Variants in PLSCR4 observed in about 807,000 individuals in gnomAD.
PLSCR4 encodes the protein Ca(2+)-dependent phospholipid scramblase 4.
Under a neutral mutation model 36.3 loss-of-function variants are expected in PLSCR4, and 25 were observed. The ratio of observed to expected loss-of-function variants is 0.69; its 90% confidence interval spans 0.50 to 0.96. The LOEUF is 0.96. Among genes scored for constraint, PLSCR4 ranks in the 40% least tolerant of loss-of-function variants. The probability of loss-of-function intolerance (pLI) is 0.00; values close to 1 mark genes in which losing one functional copy is unlikely to be tolerated. For missense variants in PLSCR4, 408 were observed against 414.7 expected (o/e 0.98, Z 0.14); for synonymous variants, 122 against 132.9 (o/e 0.92, Z 0.56).
chr3:146,200,414 G>T (rs1047921990), intron 5 of PLSCR4, among the ~76,000 whole-genome samples: 2 of 152,126 alleles, frequency 1.3e-5, no homozygotes, highest in Admixed American at 1.3e-4. Context: ...GCTTGGAGGA[G>T]TAGGGTCATT....
intron 6 of PLSCR4, among the ~76,000 whole-genome samples, chr3:146,198,126 C>T (rs116368402): frequency 0.017 from 2,517 of 151,996 alleles, 38 homozygotes; most frequent in Non-Finnish European, 0.026. Context: ...CTCGAAATGA[C>T]AAGATTATAA....
At chr3:146,237,953 TAAAGAA>T (rs934410201) in intron 1 of PLSCR4, among the ~76,000 whole-genome samples, 1 of 150,966 alleles carries the variant, frequency 6.6e-6, no homozygotes, top group Non-Finnish European at 1.5e-5. Context: ...GATACACTAA[TAAAGAA>T]AAAGAGAAAA....
chr3:146,222,139 A>G, intron 1 of PLSCR4, 47 bp from the exon 2 acceptor site: 1 of 681,128 alleles, frequency 1.5e-6, no homozygotes, highest in Non-Finnish European at 2.3e-6. Context: ...TACATAATAA[A>G]TAGTATTGCT....
At position 146,204,183 on chromosome 3, in the gene PLSCR4, A is replaced by C. The variant is rs35366505; in HGVS notation, c.354+2343T>G. On this transcript the variant is annotated intron_variant, in intron 4 of 8. Transcript: ENST00000354952. Reference sequence around the variant, plus strand: ...AGTCACTGGTAAAGCCAAGACTCTGAAAATAATATAATCGTGCTAATTTGG... The same window carrying C: ...AGTCACTGGTAAAGCCAAGACTCTGCAAATAATATAATCGTGCTAATTTGG... 7.4e-4 allele frequency among the ~76,000 whole-genome samples: 112 copies of C among 152,100 alleles called. No individual in the cohort carries two copies. The East Asian group carries it at 0.018, about 25-fold the overall frequency.
At chr3:146,206,404 C>A in intron 4 of PLSCR4, 122 bp downstream of exon 4, 1 of 675,592 alleles carries the variant, frequency 1.5e-6, no homozygotes. Flanking sequence ...TATAGTTTCA[C>A]AAATGGCATC....
intron 4 of PLSCR4, among the ~76,000 whole-genome samples, chr3:146,204,876 C>T (rs1411436026): frequency 1.3e-5 from 2 of 151,992 alleles, no homozygotes; most frequent in Non-Finnish European, 2.9e-5. Context: ...TACTCTAGCA[C>T]TTCACCTGAA....
At chr3:146,202,436 T>C (rs1476840908) in intron 4 of PLSCR4, among the ~76,000 whole-genome samples, 1 of 152,032 alleles carries the variant, frequency 6.6e-6, no homozygotes, top group African/African-American at 2.4e-5. Flanking sequence ...AAAAGAAGTA[T>C]ATATCTTAAT....
intron 7 of PLSCR4, 176 bp downstream of exon 7, chr3:146,196,456 A>G (rs921142927): frequency 3.4e-6 from 2 of 591,396 alleles, no homozygotes; most frequent in Non-Finnish European, 3.0e-6. Context: ...ATTTTGGAAA[A>G]CCTCAATCTA....
intron 7 of PLSCR4, 134 bp from the exon 8 acceptor site, chr3:146,195,416 T>A (rs547089315): frequency 1.5e-5 from 11 of 743,756 alleles, no homozygotes; most frequent in Admixed American, 1.3e-4. Flanking sequence ...AATGAGAAAA[T>A]AATGGCCAAA....
chr3:146,223,792 AT>A (rs1435958438), intron 1 of PLSCR4: 1 of 149,016 alleles, frequency 6.7e-6, no homozygotes, highest in African/African-American at 2.5e-5. Context: ...AAAAATACAT[AT>A]AAATATATTT....
At position 146,209,649 on chromosome 3, in the gene PLSCR4, C is replaced by T. The variant is rs566276374; in HGVS notation, c.119-2888G>A. 2.6e-5 allele frequency among the ~76,000 whole-genome samples: 4 copies of T among 152,050 alleles called. No individual in the cohort carries two copies. The East Asian group carries it at 7.7e-4, about 29-fold the overall frequency. ...ATTTTTTGAATAACTTTGATCATTACTAATTTATTTTTGTTTCACTTTCCA... is the reference window on the plus strand; with the variant it reads ...ATTTTTTGAATAACTTTGATCATTATTAATTTATTTTTGTTTCACTTTCCA... On this transcript the variant is annotated intron_variant, in intron 3 of 8. Coordinates refer to ENST00000354952, the MANE Select transcript of PLSCR4 (RefSeq NM_020353.3).
At chr3:146,238,226 G>C (rs2107841278) in intron 1 of PLSCR4, among the ~76,000 whole-genome samples, 1 of 150,042 alleles carries the variant, frequency 6.7e-6, no homozygotes, top group Non-Finnish European at 1.5e-5. Flanking sequence ...CCCAGGTACA[G>C]ATGATTTACT....
chr3:146,246,826 G>A (rs2036357563), intron 1 of PLSCR4, among the ~76,000 whole-genome samples: 2 of 152,206 alleles, frequency 1.3e-5, no homozygotes, highest in African/African-American at 2.4e-5. Context: ...CAGATGTTAT[G>A]TGCAAACAAA....
intron 1 of PLSCR4, among the ~76,000 whole-genome samples, chr3:146,231,305 T>G (rs559553217): frequency 6.6e-6 from 1 of 152,186 alleles, no homozygotes; most frequent in Non-Finnish European, 1.5e-5. Flanking sequence ...TTGTTGCTAT[T>G]GTGCTGCAAT....
At position 146,192,414 on chromosome 3, in the gene PLSCR4, T is replaced by C. The variant is rs1025616346; in HGVS notation, c.*1997A>G. 7 of 150,900 alleles carry C rather than the reference T, an allele frequency of 4.6e-5. No homozygotes were observed. Among genetic ancestry groups the C allele is most frequent in the Admixed American group, 2.6e-4 (4 of 15,106 alleles). The allele number at this position is 150,900 out of a possible 1,614,324, so 9.3% of individuals were successfully genotyped here. On this transcript the variant is annotated 3_prime_UTR_variant, in exon 9 of 9. Coordinates refer to ENST00000354952, the MANE Select transcript of PLSCR4 (RefSeq NM_020353.3). The stretch of plus-strand genomic sequence containing the variant: ...CATGAACGCACAAATTCCAGAGAAT[T>C]TGTTTTTTAATCAATCCGATCAATT...
chr3:146,232,048 G>C (rs551821999), intron 1 of PLSCR4, among the ~76,000 whole-genome samples: 21 of 152,228 alleles, frequency 1.4e-4, no homozygotes, highest in African/African-American at 5.1e-4. Context: ...TGAAAGGACG[G>C]TGTACAGTTA....
chr3:146,206,869 T>C, intron 3 of PLSCR4, 108 bp from the exon 4 acceptor site: 1 of 701,244 alleles, frequency 1.4e-6, no homozygotes, highest in Non-Finnish European at 2.4e-6. Context: ...ATATAACAAC[T>C]TGTTCCATTT....
At chr3:146,236,102 A>AC (rs1332739515) in intron 1 of PLSCR4, among the ~76,000 whole-genome samples, 6 of 151,674 alleles carry the variant, frequency 4.0e-5, no homozygotes, top group Admixed American at 6.6e-5. Context: ...AGAAAAAAAA[A>AC]CCATTTTCAG....
At chr3:146,202,631 A>C (rs1447477566) in intron 4 of PLSCR4, among the ~76,000 whole-genome samples, 1 of 152,030 alleles carries the variant, frequency 6.6e-6, no homozygotes, top group Non-Finnish European at 1.5e-5. Context: ...TTGCCATATC[A>C]ATTGACTGAC....
Sources: gnomAD v4.1 joint callset for allele counts (sites outside exome capture counted in the v4.1 genomes callset) on GRCh38, gnomAD v4.1.1 for gene constraint, MANE v1.5 for transcripts, NCBI Gene and HGNC (gene_info 2026-07-23, HGNC 2026-07-21) for gene names.